The following LINGO2 variants were observed in gnomAD, a reference collection of about 807,000 sequenced individuals.
The protein encoded by LINGO2 is leucine rich repeat and Ig domain containing 2.
Under a neutral mutation model 30.6 loss-of-function variants are expected in LINGO2, and 14 were observed. The observed-to-expected ratio is 0.46, with a 90% CI of 0.30 to 0.72. LINGO2 has a LOEUF of 0.72. Among genes scored for constraint, LINGO2 ranks in the 30% least tolerant of loss-of-function variants. LINGO2 has a pLI of 0.07. For missense variants in LINGO2, 729 were observed against 751.7 expected (o/e 0.97, Z 0.35); for synonymous variants, 317 against 288.5 (o/e 1.10, Z -1.00).
intron 4 of LINGO2, among the ~76,000 whole-genome samples, chr9:28,140,589 A>G (rs1273099357): frequency 3.3e-5 from 5 of 152,220 alleles, no homozygotes; most frequent in African/African-American, 1.2e-4. Context: ...GGCTATCTTC[A>G]TCTGGCAAAT....
the LINGO2 span, among the ~76,000 whole-genome samples, chr9:28,883,194 T>G: frequency 2.6e-5 from 4 of 152,154 alleles, no homozygotes; most frequent in Non-Finnish European, 5.9e-5. Context: ...ATTTATTTAT[T>G]TATTCATTCA....
intron 4 of LINGO2, among the ~76,000 whole-genome samples, chr9:28,021,087 T>TA (rs1823096699): frequency 1.3e-5 from 2 of 152,244 alleles, no homozygotes; most frequent in South Asian, 2.1e-4. Flanking sequence ...GCTTTAGGCT[T>TA]AACTTGCTCT....
intron 4 of LINGO2, among the ~76,000 whole-genome samples, chr9:28,099,812 A>T (rs1473441588): frequency 1.3e-5 from 2 of 152,040 alleles, no homozygotes; most frequent in African/African-American, 4.8e-5. Flanking sequence ...TTCATTCTCC[A>T]CCACTGCCCC....
intron 2 of LINGO2, among the ~76,000 whole-genome samples, chr9:28,416,264 C>G (rs1409905459): frequency 1.3e-5 from 2 of 152,048 alleles, no homozygotes; most frequent in Non-Finnish European, 2.9e-5. Flanking sequence ...TCATCACTAT[C>G]CAGTTTAATT....
At chr9:28,023,451 C>G (rs1054472449) in intron 4 of LINGO2, among the ~76,000 whole-genome samples, 2 of 152,096 alleles carry the variant, frequency 1.3e-5, no homozygotes, top group Non-Finnish European at 2.9e-5. Flanking sequence ...ATCTGTAACC[C>G]ACTGTTACTA....
the LINGO2 span, among the ~76,000 whole-genome samples, chr9:29,066,212 A>G: frequency 8.6e-5 from 13 of 152,044 alleles, no homozygotes; most frequent in African/African-American, 2.6e-4. Flanking sequence ...CAGGAAAGAA[A>G]TATTATAAAC....
chr9:28,740,583 T>C, the LINGO2 span, among the ~76,000 whole-genome samples: 1 of 151,928 alleles, frequency 6.6e-6, no homozygotes, highest in Non-Finnish European at 1.5e-5. Context: ...TCAAAATCTT[T>C]TTTAATTTCT....
chr9:28,954,446 A>G, the LINGO2 span, among the ~76,000 whole-genome samples: 1 of 152,142 alleles, frequency 6.6e-6, no homozygotes, highest in East Asian at 1.9e-4. Context: ...TACTTCATAA[A>G]GGACACTGTT....
At chr9:29,178,137 C>T in the LINGO2 span, among the ~76,000 whole-genome samples, 1 of 151,824 alleles carries the variant, frequency 6.6e-6, no homozygotes, top group East Asian at 1.9e-4. Context: ...CTCACTGGAA[C>T]CTCCGCCTCC....
the LINGO2 span, among the ~76,000 whole-genome samples, chr9:29,000,845 G>A: frequency 3.3e-5 from 5 of 151,960 alleles, no homozygotes; most frequent in Non-Finnish European, 4.4e-5. Flanking sequence ...ATATTCACAG[G>A]AGGACATATA....
chr9:27,971,794 G>A (rs1056191003), intron 5 of LINGO2, among the ~76,000 whole-genome samples: 22 of 152,092 alleles, frequency 1.4e-4, no homozygotes, highest in African/African-American at 5.3e-4. Context: ...AGATTTCAAT[G>A]GCATCTCTTA....
chr9:28,371,718 G>A (rs1820905844), intron 3 of LINGO2, among the ~76,000 whole-genome samples: 1 of 152,084 alleles, frequency 6.6e-6, no homozygotes, highest in Non-Finnish European at 1.5e-5. Flanking sequence ...GCCAGATTAG[G>A]ATTTCTTTGT....
chr9:28,570,334 A>G (rs1823622652), intron 1 of LINGO2, among the ~76,000 whole-genome samples: 1 of 151,934 alleles, frequency 6.6e-6, no homozygotes, highest in African/African-American at 2.4e-5. Context: ...TCTCAAATAT[A>G]TTAATAAAGA....
intron 4 of LINGO2, among the ~76,000 whole-genome samples, chr9:28,283,224 G>A (rs1160015757): frequency 6.6e-6 from 1 of 152,080 alleles, no homozygotes; most frequent in Non-Finnish European, 1.5e-5. Context: ...AATAAGTAAT[G>A]GGTATATACA....
the LINGO2 span, among the ~76,000 whole-genome samples, chr9:28,935,550 C>T: frequency 6.6e-6 from 1 of 152,022 alleles, no homozygotes; most frequent in Admixed American, 6.6e-5. Flanking sequence ...TATTTAAATT[C>T]TAAACATTTT....
At chr9:28,510,317 C>A (rs1178287316) in intron 1 of LINGO2, among the ~76,000 whole-genome samples, 1 of 152,024 alleles carries the variant, frequency 6.6e-6, no homozygotes, top group African/African-American at 2.4e-5. Context: ...ACTGATAATA[C>A]ATACAGTTGA....
intron 1 of LINGO2, among the ~76,000 whole-genome samples, chr9:28,591,505 A>C (rs1280429395): frequency 6.6e-6 from 1 of 152,016 alleles, no homozygotes; most frequent in Non-Finnish European, 1.5e-5. Context: ...TGTCTTCCAG[A>C]AAGTTCTGGT....
intron 4 of LINGO2, among the ~76,000 whole-genome samples, chr9:28,013,566 G>A: frequency 6.6e-6 from 1 of 152,192 alleles, no homozygotes; most frequent in East Asian, 1.9e-4. Flanking sequence ...CTCTTGTACA[G>A]AGGAATGTGG....
the LINGO2 span, among the ~76,000 whole-genome samples, chr9:28,862,203 C>T: frequency 6.6e-6 from 1 of 152,004 alleles, no homozygotes; most frequent in Non-Finnish European, 1.5e-5. Flanking sequence ...CAGGAAATCC[C>T]AGAGCTCTGT....
Sources: allele counts gnomAD v4.1 joint callset (sites outside exome capture counted in the v4.1 genomes callset), GRCh38; gene constraint gnomAD v4.1.1; transcripts MANE v1.5; gene names NCBI Gene and HGNC (gene_info 2026-07-23, HGNC 2026-07-21).